The following FBXL7 variants were observed in gnomAD, a reference collection of about 807,000 sequenced individuals.
FBXL7 encodes the protein F-box/LRR-repeat protein 7.
In FBXL7, 12 loss-of-function variants were observed where a neutral mutation model predicts 38.3. The ratio of observed to expected loss-of-function variants is 0.31; its 90% CI spans 0.20 to 0.51. The LOEUF is 0.51. Ranked by LOEUF, FBXL7 falls within the 20% of genes least tolerant of loss-of-function variation. The pLI is 0.98. For missense variants in FBXL7, 567 were observed against 676.4 expected, an observed-to-expected ratio of 0.84 and a Z score of 1.79; for synonymous variants, 297 against 300.9, an observed-to-expected ratio of 0.99 and a Z score of 0.13.
chr5:15,818,727 TGTGTGTGTGTGTGTGTGAGAGA>T (rs1188908549), intron 2 of FBXL7, among the ~76,000 whole-genome samples: 101 of 90,912 alleles, frequency 1.1e-3, no homozygotes, highest in African/African-American at 3.4e-3. Context: ...TGTGTGTGTG[TGTGTGTGTGTGTGTGTGAGAGA>T]GAGAGAGATT....
intron 2 of FBXL7, among the ~76,000 whole-genome samples, chr5:15,743,795 A>G (rs1735949441): frequency 6.6e-6 from 1 of 152,214 alleles, no homozygotes; most frequent in Non-Finnish European, 1.5e-5. Flanking sequence ...GTGTTTTCAT[A>G]CATCCTTTGA....
chr5:15,713,986 A>G (rs1350652173), intron 2 of FBXL7, among the ~76,000 whole-genome samples: 1 of 152,202 alleles, frequency 6.6e-6, no homozygotes, highest in Admixed American at 6.5e-5. Flanking sequence ...ACTCTGTCCT[A>G]ATTCCTAGAA....
In FBXL7 at chr5:15,928,003, A is replaced by T. The variant is rs1237673017; in HGVS notation, c.241A>T (p.Thr81Ser). The change falls in exon 3 of 4, where the codon ACC (threonine) becomes TCC (serine). Residue 81 changes from threonine (T) to serine (S), a missense_variant. Physicochemically the swap from Thr to Ser is moderately conservative, Grantham distance 58 (BLOSUM62 1). Coordinates refer to ENST00000504595, the MANE Select transcript of FBXL7 (RefSeq NM_012304.5). This position sits in a 1 kb window ranked among gnomAD's most constrained non-coding sequence, Gnocchi z 4.0. ...CTCGTCCACCTCCTCGTCCTCCATC[A>T]CCGGGGAGACGGTGGCCATGGTGCA... ...RGSSTSSSSI[T>S]GETVAMVHSP... is the part of the protein sequence containing the mutation. The T allele has an allele frequency of 6.2e-7, 1 of 1,602,674 alleles. No individual in the cohort carries two copies. The highest frequency in any genetic ancestry group is 8.5e-7 in the Non-Finnish European group (1 of 1,173,458).
intron 1 of FBXL7, among the ~76,000 whole-genome samples, chr5:15,575,909 AATT>A (rs1738946554): frequency 6.6e-6 from 1 of 152,108 alleles, no homozygotes; most frequent in Non-Finnish European, 1.5e-5. Flanking sequence ...CATAGAGGTA[AATT>A]ATTGGCAATT....
chr5:15,502,496 C>T (rs942170306), intron 1 of FBXL7, among the ~76,000 whole-genome samples: 1 of 152,126 alleles, frequency 6.6e-6, no homozygotes, highest in East Asian at 1.9e-4. Flanking sequence ...GATTTAGATG[C>T]ACTGTGGACT....
intron 2 of FBXL7, among the ~76,000 whole-genome samples, chr5:15,711,011 A>C (rs550080117): frequency 1.6e-4 from 25 of 152,264 alleles, no homozygotes; most frequent in African/African-American, 5.8e-4. Flanking sequence ...TCTCTTGATA[A>C]GTTTCACGAG....
chr5:15,546,524 G>T (rs946157576), intron 1 of FBXL7, among the ~76,000 whole-genome samples: 1 of 152,070 alleles, frequency 6.6e-6, no homozygotes, highest in East Asian at 1.9e-4. Flanking sequence ...CTGAGATGGC[G>T]CCATTGCACT....
chr5:15,935,168 CAGAG>C (rs1488744508), intron 3 of FBXL7: 5 of 534,634 alleles, frequency 9.4e-6, no homozygotes, highest in Non-Finnish European at 1.9e-5. Context: ...AAGATGCCGT[CAGAG>C]AGCCCCGGGG....
intron 2 of FBXL7, among the ~76,000 whole-genome samples, chr5:15,822,913 A>G (rs1738210219): frequency 6.6e-6 from 1 of 152,146 alleles, no homozygotes; most frequent in Non-Finnish European, 1.5e-5. Flanking sequence ...GGAGGGCCAC[A>G]GTGGGGCCTG....
chr5:15,880,721 T>TTTTATATATATA (rs1554030839), intron 2 of FBXL7, among the ~76,000 whole-genome samples: 6 of 143,372 alleles, frequency 4.2e-5, no homozygotes, highest in African/African-American at 1.5e-4. Flanking sequence ...ATATACTATA[T>TTTTATATATATA]TATATATATA....
chr5:15,879,462 G>T (rs1212526308), intron 2 of FBXL7, among the ~76,000 whole-genome samples: 7 of 152,156 alleles, frequency 4.6e-5, no homozygotes, highest in Non-Finnish European at 1.0e-4. Flanking sequence ...CATTACCTTT[G>T]CTGCCCATTA....
intron 1 of FBXL7, among the ~76,000 whole-genome samples, chr5:15,572,158 A>G (rs763260457): frequency 1.3e-5 from 2 of 152,098 alleles, no homozygotes; most frequent in Non-Finnish European, 2.9e-5. Flanking sequence ...AACATTTACT[A>G]TCTGAGTATA....
chr5:15,831,355 C>G (rs546599282), intron 2 of FBXL7, among the ~76,000 whole-genome samples: 4 of 152,108 alleles, frequency 2.6e-5, no homozygotes. Context: ...GTGGTATTCT[C>G]CCTATTTGGG....
At chr5:15,787,162 AGAGAGT>A (rs1737153840) in intron 2 of FBXL7, among the ~76,000 whole-genome samples, 2 of 152,194 alleles carry the variant, frequency 1.3e-5, no homozygotes, top group Admixed American at 1.3e-4. Flanking sequence ...GGAAACTGTG[AGAGAGT>A]ACATTTCTGT....
At chr5:15,882,777 T>A (rs1436377309) in intron 2 of FBXL7, among the ~76,000 whole-genome samples, 1 of 152,174 alleles carries the variant, frequency 6.6e-6, no homozygotes, top group East Asian at 1.9e-4. Flanking sequence ...AAGATTAAAC[T>A]GAGGTCTAAT....
chr5:15,578,700 AG>A (rs1362497921), intron 1 of FBXL7, among the ~76,000 whole-genome samples: 1 of 152,220 alleles, frequency 6.6e-6, no homozygotes, highest in Non-Finnish European at 1.5e-5. Context: ...TGTGTTTAAA[AG>A]GAAAGTTGAC....
chr5:15,872,431 AT>A (rs1441490735), intron 2 of FBXL7, among the ~76,000 whole-genome samples: 1 of 152,166 alleles, frequency 6.6e-6, no homozygotes, highest in African/African-American at 2.4e-5. Context: ...AACAATAACA[AT>A]ATTAACCTTA....
intron 2 of FBXL7, among the ~76,000 whole-genome samples, chr5:15,719,814 A>T (rs778309023): frequency 1.3e-5 from 2 of 148,972 alleles, no homozygotes; most frequent in Non-Finnish European, 3.0e-5. Flanking sequence ...GCCATGATTT[A>T]GGCCTCAGAT....
intron 2 of FBXL7, among the ~76,000 whole-genome samples, chr5:15,873,795 G>T (rs1254746061): frequency 6.6e-6 from 1 of 152,098 alleles, no homozygotes; most frequent in Non-Finnish European, 1.5e-5. Context: ...ACCAAAAGAG[G>T]CCCAGGACCA....
Sources: gnomAD v4.1 joint callset for allele counts (sites outside exome capture counted in the v4.1 genomes callset) on GRCh38, gnomAD v4.1.1 for gene constraint, Gnocchi (gnomAD v3.1) non-coding constraint, MANE v1.5 for transcripts, NCBI Gene and HGNC (gene_info 2026-07-23, HGNC 2026-07-21) for gene names.